ARHGEF38: variants seen among roughly 807,000 people sequenced by gnomAD.
ARHGEF38 encodes the protein Rho guanine nucleotide exchange factor 38.
ARHGEF38 carries 79 observed loss-of-function variants against 79.9 expected under a neutral mutation model. The ratio of observed to expected loss-of-function variants is 0.99; its 90% CI spans 0.82 to 1.19. The LOEUF (loss-of-function observed/expected upper bound fraction) is 1.19, where lower values mean the gene tolerates loss of function less well. Among genes scored for constraint, ARHGEF38 ranks in the 50% most tolerant of loss-of-function variants. The pLI is 0.00. For synonymous variants in ARHGEF38, 366 were observed against 328.3 expected (o/e 1.11, Z -1.24); for missense variants, 962 against 907.2 (o/e 1.06, Z -0.78).
intron 1 of ARHGEF38, among the ~76,000 whole-genome samples, chr4:105,567,035 C>G (rs2866794): frequency 0.97 from 147,878 of 152,316 alleles, 71,789 homozygotes; most frequent in East Asian, 1. Context: ...TTACACACCT[C>G]GCCTGCCATC....
At chr4:105,646,636 G>A (rs780310130) in intron 6 of ARHGEF38, among the ~76,000 whole-genome samples, 7 of 152,178 alleles carry the variant, frequency 4.6e-5, no homozygotes, top group African/African-American at 9.6e-5. Context: ...TTGCCCAAGA[G>A]AGACTCTTGC....
chr4:105,608,226 C>T (rs1276663680), intron 2 of ARHGEF38, among the ~76,000 whole-genome samples: 2 of 152,064 alleles, frequency 1.3e-5, no homozygotes, highest in African/African-American at 4.8e-5. Context: ...CTCACCAATA[C>T]TTGTTTTCCT....
chr4:105,562,304 T>G (rs1310128846), intron 1 of ARHGEF38, among the ~76,000 whole-genome samples: 1 of 152,198 alleles, frequency 6.6e-6, no homozygotes, highest in African/African-American at 2.4e-5. Context: ...ATAATTCTCC[T>G]TGGGGAAAAA....
intron 2 of ARHGEF38, among the ~76,000 whole-genome samples, chr4:105,596,499 G>A (rs1375208947): frequency 1.3e-5 from 2 of 152,146 alleles, no homozygotes; most frequent in African/African-American, 4.8e-5. Flanking sequence ...GAGACAGGGA[G>A]GAGGGGAATA....
At chr4:105,553,158 AG>A (rs1186974908) in intron 1 of ARHGEF38, among the ~76,000 whole-genome samples, 197 bp downstream of exon 1, 1 of 152,198 alleles carries the variant, frequency 6.6e-6, no homozygotes, top group African/African-American at 2.4e-5. Context: ...TCAATGTTAA[AG>A]AGTCAATTCC....
At chr4:105,676,296 G>A (rs889037807) in intron 13 of ARHGEF38, among the ~76,000 whole-genome samples, 3 of 152,014 alleles carry the variant, frequency 2.0e-5, no homozygotes, top group African/African-American at 7.3e-5. Context: ...ACATATTCAT[G>A]CCTTTTGTCA....
Position 105,667,260 on chromosome 4 carries a change from CT to C in ARHGEF38, c.1823del (p.Leu608TrpfsTer4). ...ATGACATCAATCTTCTGGAAGGAGA[CT>C]TGGTGGCTGTGATAGAACAGAAAGA... ...EYDINLLEGD[L>X]VAVIEQKDPL... On this transcript the variant is annotated frameshift_variant, in exon 12 of 14. Transcript: ENST00000420470. LOFTEE classifies it high-confidence loss of function. 1 of 1,536,188 alleles carries C rather than the reference CT, an allele frequency of 6.5e-7. No homozygotes were observed. The highest frequency in any genetic ancestry group is 8.7e-7 in the Non-Finnish European group (1 of 1,146,928).
intron 10 of ARHGEF38, 107 bp downstream of exon 10, chr4:105,659,472 G>A (rs1730475448): frequency 9.2e-7 from 1 of 1,086,480 alleles, no homozygotes; most frequent in Non-Finnish European, 1.3e-6. Flanking sequence ...ATGCCGTGTG[G>A]TGTGTGTGTA....
chr4:105,589,287 C>T lies in ARHGEF38; in HGVS notation c.236C>T (p.Thr79Ile). 6.2e-7 allele frequency: 1 copy of T among 1,613,968 alleles called. No individual in the cohort carries two copies. Among genetic ancestry groups the T allele is most frequent in the Non-Finnish European group, 8.5e-7 (1 of 1,179,982 alleles). The change falls in exon 2 of 14, where the codon ACC becomes ATC. Residue 79 changes from threonine (T) to isoleucine (I), a missense_variant. Coordinates refer to ENST00000420470, the MANE Select transcript of ARHGEF38 (RefSeq NM_001242729.2). ...TPQGECSVAETLTPEEEHHMK... is the reference protein window; with the variant it reads ...TPQGECSVAEILTPEEEHHMK... ...CAGGGTGAGTGTTCTGTAGCTGAGA[C>T]CTTAACCCCAGAGGAAGAGCATCAT...
chr4:105,680,982 TTTG>T (rs1276452944), downstream of ARHGEF38: 2 of 152,166 alleles, frequency 1.3e-5, no homozygotes, highest in Non-Finnish European at 1.5e-5. Flanking sequence ...GTCAGGTAAT[TTTG>T]TTTAGTCCAA....
At chr4:105,598,929 G>T (rs1026515787) in intron 2 of ARHGEF38, among the ~76,000 whole-genome samples, 2 of 152,186 alleles carry the variant, frequency 1.3e-5, no homozygotes, top group African/African-American at 2.4e-5. Context: ...GCCACAATGT[G>T]ACTGTGTTAA....
At chr4:105,612,076 T>G (rs1382611722) in intron 2 of ARHGEF38, among the ~76,000 whole-genome samples, 1 of 152,044 alleles carries the variant, frequency 6.6e-6, no homozygotes, top group Admixed American at 6.6e-5. Context: ...TGACAGAATA[T>G]CCTTACCAAA....
Position 105,567,238 on chromosome 4 carries a change from C to T in ARHGEF38, c.196+14277C>T, listed in dbSNP as rs373697178. 8.5e-5 allele frequency among the ~76,000 whole-genome samples: 13 copies of T among 152,200 alleles called. No homozygotes were observed. The South Asian group carries it at 1.7e-3, about 19-fold the overall frequency. On this transcript the variant is annotated intron_variant, in intron 1 of 13. Coordinates refer to ENST00000420470, the MANE Select transcript of ARHGEF38 (RefSeq NM_001242729.2). ...CTGAATAGTAAGTACTCCATTTACA[C>T]CAGTTTTTAAATACTGACCAATATT...
intron 2 of ARHGEF38, among the ~76,000 whole-genome samples, chr4:105,601,488 AAAG>A (rs1456994393): frequency 6.6e-6 from 1 of 152,146 alleles, no homozygotes; most frequent in East Asian, 1.9e-4. Flanking sequence ...TGAGACAGAG[AAAG>A]AAGACAATAT....
intron 3 of ARHGEF38, among the ~76,000 whole-genome samples, chr4:105,625,956 T>C (rs573646281): frequency 1.4e-4 from 21 of 152,300 alleles, no homozygotes; most frequent in Middle Eastern, 3.4e-3. Flanking sequence ...TATACCATCC[T>C]CAATGTTAGT....
chr4:105,561,841 A>G (rs1187788163), intron 1 of ARHGEF38, among the ~76,000 whole-genome samples: 3 of 152,238 alleles, frequency 2.0e-5, no homozygotes, highest in African/African-American at 7.2e-5. Flanking sequence ...AGGGGTTTAC[A>G]TAACATTTTA....
chr4:105,664,787 G>A (rs1002735614), intron 10 of ARHGEF38, among the ~76,000 whole-genome samples: 1 of 152,196 alleles, frequency 6.6e-6, no homozygotes, highest in Non-Finnish European at 1.5e-5. Flanking sequence ...TGGGGAGGGA[G>A]CAGTCATAGC....
In ARHGEF38 at chr4:105,645,288, C is replaced by T; in HGVS notation, c.775C>T (p.Pro259Ser). 4 of 1,536,588 alleles carry T rather than the reference C, an allele frequency of 2.6e-6. No homozygotes were observed. The highest frequency in any genetic ancestry group is 1.2e-5 in the South Asian group (1 of 84,058). The stretch of plus-strand genomic sequence containing the variant: ...ACTGTGCGAACTTCGGAATTCCACC[C>T]CTCCCTCTCACCCAGATTACAGAGC... ...LLLCELRNST[P>S]PSHPDYRALD... Residue 259 changes from proline (P) to serine (S), a missense_variant, in exon 6 of 14, where the codon CCT (proline) becomes TCT (serine). Pro to Ser is a moderately conservative substitution (Grantham distance 74, BLOSUM62 -1). Transcript: ENST00000420470.
intron 13 of ARHGEF38, among the ~76,000 whole-genome samples, chr4:105,676,654 A>C (rs146978538): frequency 1.4e-3 from 211 of 152,310 alleles, no homozygotes; most frequent in Middle Eastern, 3.4e-3. Context: ...TTACGCACTT[A>C]ATAATTATAA....
Sources: gnomAD v4.1 joint callset for allele counts (sites outside exome capture counted in the v4.1 genomes callset) on GRCh38, gnomAD v4.1.1 for gene constraint, MANE v1.5 for transcripts, NCBI Gene and HGNC (gene_info 2026-07-23, HGNC 2026-07-21) for gene names.